Variants in ABCB4 observed in about 807,000 individuals in gnomAD.
The protein encoded by ABCB4 is ATP binding cassette subfamily B member 4.
In ABCB4, 76 loss-of-function variants were observed where a neutral mutation model predicts 145.7. That is an observed-to-expected ratio of 0.52 (90% CI 0.43 to 0.63). ABCB4 has a LOEUF of 0.63. Among genes scored for constraint, ABCB4 ranks in the 30% least tolerant of loss-of-function variants. ABCB4 has a pLI of 0.00. For missense variants in ABCB4, 1,234 were observed against 1,553.1 expected (o/e 0.79, Z 3.45); for synonymous variants, 517 against 566.8 (o/e 0.91, Z 1.25).
At position 87,437,897 on chromosome 7, in the gene ABCB4, C is replaced by T. The variant is rs530615852; in HGVS notation, c.1731+1770G>A. The stretch of plus-strand genomic sequence containing the variant: ...TTAAAGTAAATATAAAAAAGGTTAT[C>T]AACTGAGGAGTGTGCTATGATCCTA... On this transcript the variant is annotated intron_variant, in intron 14 of 27. Coordinates refer to ENST00000649586, the MANE Select transcript of ABCB4 (RefSeq NM_000443.4). Among the ~76,000 whole-genome samples, 11 of 152,240 alleles carry T rather than the reference C, an allele frequency of 7.2e-5. No homozygotes were observed. The South Asian group carries it at 2.3e-3, about 32-fold the overall frequency.
At chr7:87,404,754 CAT>C (rs1808055434) in intron 26 of ABCB4, among the ~76,000 whole-genome samples, 1 of 152,030 alleles carries the variant, frequency 6.6e-6, no homozygotes, top group South Asian at 2.1e-4. Flanking sequence ...GGTAAATAAG[CAT>C]ATAAAAAACT....
the ABCB4 span, among the ~76,000 whole-genome samples, chr7:87,384,966 G>A: frequency 6.6e-6 from 1 of 152,098 alleles, no homozygotes; most frequent in East Asian, 1.9e-4. Context: ...TTATTGAAGA[G>A]CCTGTCCTTT....
chr7:87,389,549 C>T, the ABCB4 span, among the ~76,000 whole-genome samples: 2 of 151,698 alleles, frequency 1.3e-5, no homozygotes, highest in Non-Finnish European at 2.9e-5. Context: ...CACATGTTCT[C>T]ACTCATAAGT....
At chr7:87,384,494 T>C in the ABCB4 span, among the ~76,000 whole-genome samples, 1 of 152,226 alleles carries the variant, frequency 6.6e-6, no homozygotes, top group Non-Finnish European at 1.5e-5. Flanking sequence ...ATCGTGCCAC[T>C]GCACTCCAGC....
At position 87,440,237 on chromosome 7, in the gene ABCB4, C is replaced by T. The variant is rs1191512732; in HGVS notation, c.1522G>A (p.Glu508Lys). ...ATGATAAACTCATAGGCGTTGGCCT[C>T]TTTGACAGCTTTCTTTATCTCATCC... ...TMDEIKKAVK[E>K]ANAYEFIMKL... The change falls in exon 13 of 28, where the codon GAG becomes AAG. Residue 508 changes from glutamate to lysine, a missense_variant. Transcript: ENST00000649586. The T allele has an allele frequency of 6.2e-7, 1 of 1,614,152 alleles. No individual in the cohort carries two copies. Among genetic ancestry groups the T allele is most frequent in the Non-Finnish European group, 8.5e-7 (1 of 1,180,020 alleles).
At chr7:87,467,320 TA>T (rs1346703460) in intron 3 of ABCB4, among the ~76,000 whole-genome samples, 1 of 152,124 alleles carries the variant, frequency 6.6e-6, no homozygotes, top group Non-Finnish European at 1.5e-5. Context: ...TACATAATGG[TA>T]AACGGATCAA....
intron 14 of ABCB4, among the ~76,000 whole-genome samples, chr7:87,435,816 C>T (rs1275540153): frequency 6.6e-6 from 1 of 152,128 alleles, no homozygotes; most frequent in Non-Finnish European, 1.5e-5. Context: ...GCTGCTGTAA[C>T]CAAAAACCTA....
intron 17 of ABCB4, chr7:87,423,494 G>A (rs1400208784): frequency 4.1e-6 from 1 of 243,614 alleles, no homozygotes; most frequent in East Asian, 1.0e-4. Flanking sequence ...GAGAGCTATT[G>A]AGTGGTGAGG....
At chr7:87,429,744 G>A (rs560321612) in intron 15 of ABCB4, among the ~76,000 whole-genome samples, 1 of 152,128 alleles carries the variant, frequency 6.6e-6, no homozygotes, top group South Asian at 2.1e-4. Context: ...GGTAGCATTC[G>A]GCAGAGACAC....
chr7:87,423,232 G>A (rs1158244242), intron 17 of ABCB4, among the ~76,000 whole-genome samples: 6 of 152,106 alleles, frequency 3.9e-5, no homozygotes, highest in African/African-American at 1.4e-4. Flanking sequence ...ATTGATGGAG[G>A]CTTTATATTT....
At chr7:87,436,467 T>C (rs1232312841) in intron 14 of ABCB4, among the ~76,000 whole-genome samples, 1 of 151,980 alleles carries the variant, frequency 6.6e-6, no homozygotes, top group African/African-American at 2.4e-5. Context: ...AGATTCTAAG[T>C]AAACTCACAA....
chr7:87,453,176 T>C (rs200134440), intron 5 of ABCB4, 41 bp from the exon 6 acceptor site: 165 of 1,582,454 alleles, frequency 1.0e-4, no homozygotes, highest in Non-Finnish European at 1.3e-4. Context: ...ACCTTCTCTT[T>C]TCTTTTTTCT....
At chr7:87,392,516 T>G in the ABCB4 span, 1 of 1,419,254 alleles carries the variant, frequency 7.0e-7, no homozygotes, top group Non-Finnish European at 9.8e-7. Context: ...TTTTTTCTAG[T>G]TGGGTTTTGC....
the ABCB4 span, among the ~76,000 whole-genome samples, chr7:87,388,301 A>G: frequency 6.6e-6 from 1 of 152,228 alleles, no homozygotes; most frequent in Non-Finnish European, 1.5e-5. Flanking sequence ...GAACCAAAAA[A>G]GAGCCTGTAT....
chr7:87,422,826 G>A (rs1024113927), intron 17 of ABCB4, among the ~76,000 whole-genome samples: 6 of 152,156 alleles, frequency 3.9e-5, no homozygotes, highest in African/African-American at 1.4e-4. Flanking sequence ...CATGTTACAT[G>A]TTTGTGGGGT....
intron 15 of ABCB4, among the ~76,000 whole-genome samples, chr7:87,428,596 C>A (rs1025039546): frequency 6.6e-6 from 1 of 152,194 alleles, no homozygotes; most frequent in Non-Finnish European, 1.5e-5. Flanking sequence ...AAAAAAAAAT[C>A]TCTCCAATAC....
intron 16 of ABCB4, among the ~76,000 whole-genome samples, chr7:87,425,377 T>C (rs1237366244): frequency 1.3e-5 from 2 of 152,190 alleles, no homozygotes; most frequent in Non-Finnish European, 2.9e-5. Context: ...GAGGGGAAAT[T>C]GCTTATCTGA....
At chr7:87,423,587 T>C (rs967233886) in intron 17 of ABCB4, 3 of 385,880 alleles carry the variant, frequency 7.8e-6, no homozygotes, top group Non-Finnish European at 1.5e-5. Flanking sequence ...CACCTCACTG[T>C]GCGACTTGTA....
the ABCB4 span, among the ~76,000 whole-genome samples, chr7:87,385,513 A>G: frequency 2.0e-5 from 3 of 152,120 alleles, no homozygotes; most frequent in Non-Finnish European, 2.9e-5. Flanking sequence ...GCATATAGAA[A>G]TGCTACTGAT....
Sources: allele counts gnomAD v4.1 joint callset (sites outside exome capture counted in the v4.1 genomes callset), GRCh38; gene constraint gnomAD v4.1.1; transcripts MANE v1.5; gene names NCBI Gene and HGNC (gene_info 2026-07-23, HGNC 2026-07-21).